Variants in BEAN1 observed in about 807,000 individuals in gnomAD.
The protein encoded by BEAN1 is brain expressed associated with NEDD4 1.
BEAN1 carries 17 observed loss-of-function variants against 17.7 expected under a neutral mutation model. The observed-to-expected ratio is 0.96, with a 90% confidence interval of 0.66 to 1.44. BEAN1 has a LOEUF of 1.44. Ranked by LOEUF, BEAN1 falls within the 40% of genes most tolerant of loss-of-function variation. The pLI, the probability that BEAN1 is intolerant of heterozygous loss-of-function variation, is 0.00. For synonymous variants in BEAN1, 142 were observed against 151.8 expected (o/e 0.94, Z 0.47); for missense variants, 359 against 374.1 (o/e 0.96, Z 0.33).
chr16:66,473,798 CAG>C lies in BEAN1; in HGVS notation c.290-3760_290-3759del, dbSNP rs1963583590. On this transcript the variant is annotated intron_variant, in intron 3 of 4. Transcript: ENST00000536005. The surrounding 1 kb of genome is among the most constrained non-coding windows in gnomAD (Gnocchi z 4.5). ...TTGGCACTGGGCCCCTTCCACCTGTCAGACACACTCACAGCCCCCCAGCTCTG... is the reference window on the plus strand; with the variant it reads ...TTGGCACTGGGCCCCTTCCACCTGTCACACACTCACAGCCCCCCAGCTCTG... Among the ~76,000 whole-genome samples, 1 of 152,120 alleles carries C rather than the reference CAG, an allele frequency of 6.6e-6. No homozygotes were observed. Among genetic ancestry groups the C allele is most frequent in the Admixed American group, 6.5e-5 (1 of 15,276 alleles).
chr16:66,431,884 G>A (rs776171138), intron 1 of BEAN1, among the ~76,000 whole-genome samples: 1 of 151,974 alleles, frequency 6.6e-6, no homozygotes, highest in African/African-American at 2.4e-5. Flanking sequence ...TCGGCTCACT[G>A]GAACCTCCGC....
intron 2 of BEAN1, among the ~76,000 whole-genome samples, chr16:66,445,208 G>T (rs1241487357): frequency 5.9e-5 from 9 of 152,070 alleles, no homozygotes; most frequent in African/African-American, 1.7e-4. Context: ...CGGGCGTGGT[G>T]GCTCACACCT....
chr16:66,447,038 G>A lies in BEAN1; in HGVS notation c.25+9337G>A, dbSNP rs577599872. Among the ~76,000 whole-genome samples the A allele has an allele frequency of 5.8e-4, 89 of 152,304 alleles. No homozygotes were observed. The Middle Eastern group carries it at 0.01, about 17-fold the overall frequency. ...TAGTCTCAGCACTCTGGGAGGCCAA[G>A]GCAGGAGGATCACTTGAGCTCAAGA... On this transcript the variant is annotated intron_variant, in intron 2 of 4. Coordinates refer to ENST00000536005, the MANE Select transcript of BEAN1 (RefSeq NM_001178020.3).
chr16:66,488,887 A>G (rs1427650353), intron 4 of BEAN1, among the ~76,000 whole-genome samples: 2 of 151,658 alleles, frequency 1.3e-5, no homozygotes, highest in Non-Finnish European at 2.9e-5. Context: ...AAAGTATAAA[A>G]TAGGCCAGGC....
chr16:66,491,733 C>T (rs1312381301), intron 4 of BEAN1, among the ~76,000 whole-genome samples: 2 of 152,176 alleles, frequency 1.3e-5, no homozygotes, highest in African/African-American at 4.8e-5. Context: ...GAGCACGCAA[C>T]CTAGATCCCT....
intron 3 of BEAN1, 89 bp downstream of exon 3, chr16:66,469,954 G>A (rs1270052960): frequency 3.5e-6 from 5 of 1,446,384 alleles, no homozygotes; most frequent in South Asian, 1.3e-5. Context: ...ACTCTGCCCT[G>A]GGTGGAGCAG....
intron 1 of BEAN1, chr16:66,428,438 A>T (rs555179759): frequency 3.0e-4 from 46 of 152,390 alleles, no homozygotes; most frequent in African/African-American, 1.1e-3. Flanking sequence ...CTCCTCAAAC[A>T]TAACTGCTCT....
chr16:66,487,033 C>G (rs760676255), downstream of BEAN1, among the ~76,000 whole-genome samples: 1 of 152,194 alleles, frequency 6.6e-6, no homozygotes, highest in Non-Finnish European at 1.5e-5. Context: ...GGGGCTTGGA[C>G]CAGAGAGGCC....
At chr16:66,492,716 C>T (rs1296246637) in intron 4 of BEAN1, among the ~76,000 whole-genome samples, 1 of 152,218 alleles carries the variant, frequency 6.6e-6, no homozygotes, top group Non-Finnish European at 1.5e-5. Context: ...GCTGGGATTA[C>T]AGGTGTGAGC....
intron 2 of BEAN1, among the ~76,000 whole-genome samples, chr16:66,465,371 G>A (rs1376340426): frequency 6.6e-6 from 1 of 152,082 alleles, no homozygotes; most frequent in East Asian, 1.9e-4. Flanking sequence ...TAATGTCTTT[G>A]TCTAGTTTTG....
intron 4 of BEAN1, among the ~76,000 whole-genome samples, chr16:66,490,998 G>A (rs952864998): frequency 5.3e-5 from 8 of 152,186 alleles, no homozygotes; most frequent in African/African-American, 1.9e-4. Context: ...GCCTGGCCTG[G>A]GACAGGACTC....
In BEAN1 at chr16:66,477,638, C is replaced by A; in HGVS notation, c.368C>A (p.Pro123His). ...AGCTCCTCAGAGGACTGGCCCCCACCCTTGGACATCAGCTCTGACGGGGAC... is the reference window on the plus strand; with the variant it reads ...AGCTCCTCAGAGGACTGGCCCCCACACTTGGACATCAGCTCTGACGGGGAC... ...ACSSSEDWPPPLDISSDGDVD... is the reference protein window; with the variant it reads ...ACSSSEDWPPHLDISSDGDVD... The change falls in exon 4 of 5, where the codon CCC (proline) becomes CAC (histidine). Residue 123 changes from proline (P) to histidine (H), a missense_variant. By Grantham distance (77) the Pro-to-His change is moderately conservative (BLOSUM62 -2). Transcript: ENST00000536005. 5 of 1,551,210 alleles carry A rather than the reference C, an allele frequency of 3.2e-6. No homozygotes were observed. Among genetic ancestry groups the A allele is most frequent in the Non-Finnish European group, 4.4e-6 (5 of 1,146,792 alleles).
intron 2 of BEAN1, among the ~76,000 whole-genome samples, chr16:66,460,510 T>C (rs910643335): frequency 2.0e-5 from 3 of 152,228 alleles, no homozygotes; most frequent in African/African-American, 7.2e-5. Context: ...CGCACATCCC[T>C]GGATGATTTG....
chr16:66,438,496 G>A (rs1204320651), intron 2 of BEAN1, among the ~76,000 whole-genome samples: 2 of 152,136 alleles, frequency 1.3e-5, no homozygotes, highest in African/African-American at 4.8e-5. Context: ...TGGGATTGGT[G>A]TTCCCCAGAA....
At chr16:66,472,110 C>A (rs978823794) in intron 3 of BEAN1, among the ~76,000 whole-genome samples, 1 of 152,272 alleles carries the variant, frequency 6.6e-6, no homozygotes, top group Admixed American at 6.5e-5. Flanking sequence ...CTTCTCGAAC[C>A]GAAAAAAAGC....
Position 66,481,369 on chromosome 16 carries a change from C to A in BEAN1, c.*444C>A. ...ATTCTGCCTCTGGAAACTGCTGGAC[C>A]ATCCAAGGTCAGCTGCCTGCCCTGA... On this transcript the variant is annotated 3_prime_UTR_variant, in exon 5 of 5. Coordinates refer to ENST00000536005, the MANE Select transcript of BEAN1 (RefSeq NM_001178020.3). The surrounding 1 kb of genome is among the most constrained non-coding windows in gnomAD (Gnocchi z 4.1). 1 of 398,012 alleles carries A rather than the reference C, an allele frequency of 2.5e-6. No homozygotes were observed. Among genetic ancestry groups the A allele is most frequent in the Non-Finnish European group, 4.4e-6 (1 of 226,094 alleles). 24.7% of individuals were successfully genotyped at this position (398,012 alleles called of 1,614,324 possible).
At chr16:66,475,127 C>T (rs1237332630) in intron 3 of BEAN1, among the ~76,000 whole-genome samples, 2 of 152,106 alleles carry the variant, frequency 1.3e-5, no homozygotes, top group Admixed American at 6.5e-5. Context: ...GCAGGGCTTC[C>T]GGAGTCCTGG....
chr16:66,468,965 C>T (rs1408484556), intron 2 of BEAN1, among the ~76,000 whole-genome samples: 1 of 152,142 alleles, frequency 6.6e-6, no homozygotes, highest in African/African-American at 2.4e-5. Context: ...CTGGAAGTCC[C>T]CTCTACCCTT....
intron 4 of BEAN1, among the ~76,000 whole-genome samples, chr16:66,490,757 A>G (rs1040841228): frequency 6.6e-6 from 1 of 152,102 alleles, no homozygotes; most frequent in Admixed American, 6.6e-5. Flanking sequence ...CCTGGTCTTC[A>G]TTTTTTGTGG....
Sources: allele counts gnomAD v4.1 joint callset (sites outside exome capture counted in the v4.1 genomes callset), GRCh38; gene constraint gnomAD v4.1.1; non-coding constraint Gnocchi (gnomAD v3.1); transcripts MANE v1.5; gene names NCBI Gene and HGNC (gene_info 2026-07-23, HGNC 2026-07-21).